The following RNF38 variants were observed in gnomAD, a reference collection of about 807,000 sequenced individuals.
RNF38 encodes ring finger protein 38.
In RNF38, 15 loss-of-function variants were observed where a neutral mutation model predicts 67.2. The observed-to-expected ratio is 0.22, with a 90% CI of 0.15 to 0.34. The LOEUF (loss-of-function observed/expected upper bound fraction) is 0.34, where lower values mean the gene tolerates loss of function less well. Ranked by LOEUF, RNF38 falls within the 10% of genes least tolerant of loss-of-function variation. The pLI, the probability that RNF38 is intolerant of heterozygous loss-of-function variation, is 1.00. For synonymous variants in RNF38, 220 were observed against 218.8 expected (o/e 1.01, Z -0.05); for missense variants, 524 against 639.9 (o/e 0.82, Z 1.95).
At chr9:36,468,281 G>C in intron 1 of RNF38, among the ~76,000 whole-genome samples, 1 of 149,546 alleles carries the variant, frequency 6.7e-6, no homozygotes, top group African/African-American at 2.5e-5. Context: ...ATTGCTTCTA[G>C]AAGTGCCAAA....
At chr9:36,349,369 C>T (rs1312208610) in intron 9 of RNF38, among the ~76,000 whole-genome samples, 2 of 152,170 alleles carry the variant, frequency 1.3e-5, no homozygotes, top group Non-Finnish European at 2.9e-5. Context: ...TTTACATTTC[C>T]CTGATTGCAA....
At chr9:36,443,110 C>T (rs1169801915) in intron 1 of RNF38, among the ~76,000 whole-genome samples, 8 of 152,174 alleles carry the variant, frequency 5.3e-5, no homozygotes, top group Non-Finnish European at 1.2e-4. Flanking sequence ...TCTATGGATG[C>T]CTTAAAACGT....
rs185877523 is a variant in RNF38, at chr9:36,457,092, T to G, written n.241+30216A>C. Among the ~76,000 whole-genome samples the G allele has an allele frequency of 6.7e-4, 101 of 151,192 alleles. 1 individual carries two copies. The highest frequency in any genetic ancestry group is 6.9e-3 in the Middle Eastern group (2 of 288). On this transcript the variant is annotated intron_variant and non_coding_transcript_variant, in intron 1 of 3. Transcript: ENST00000488058. ...TTAAGGAGCTAAATTTTGCCCTAAT[T>G]CTTTAAATTCATGGATGCTGGTCCT... is the stretch of plus-strand genomic sequence containing the variant.
Position 36,400,125 on chromosome 9 carries a change from A to G in RNF38, c.-17T>C. 1 of 1,612,310 alleles carries G rather than the reference A, an allele frequency of 6.2e-7. No individual in the cohort carries two copies. Among genetic ancestry groups the G allele is most frequent in the Non-Finnish European group, 8.5e-7 (1 of 1,179,146 alleles). Reference sequence around the variant, plus strand: ...ACAAGCCATACAGACGTAAACAAAAACTTTATTTCTTTTTGGACCTCAATA... The same window carrying G: ...ACAAGCCATACAGACGTAAACAAAAGCTTTATTTCTTTTTGGACCTCAATA... On this transcript the variant is annotated 5_prime_UTR_variant, in exon 1 of 12. Coordinates refer to ENST00000259605, the MANE Select transcript of RNF38 (RefSeq NM_022781.5).
intron 5 of RNF38, among the ~76,000 whole-genome samples, chr9:36,357,063 T>C (rs1834179980): frequency 6.6e-6 from 1 of 152,194 alleles, no homozygotes; most frequent in African/African-American, 2.4e-5. Context: ...AAGAGTTACA[T>C]TTAAATTTTG....
chr9:36,425,121 A>G (rs1240113898), intron 1 of RNF38, among the ~76,000 whole-genome samples: 2 of 152,220 alleles, frequency 1.3e-5, no homozygotes, highest in Non-Finnish European at 2.9e-5. Flanking sequence ...CTACAATCAC[A>G]TAACACTTTA....
Position 36,396,722 on chromosome 9 carries a change from A to C in RNF38, c.12+3375T>G, listed in dbSNP as rs906543552. 1.2e-4 allele frequency among the ~76,000 whole-genome samples: 19 copies of C among 152,202 alleles called. 1 individual carries two copies. The highest frequency in any genetic ancestry group is 2.2e-4 in the Non-Finnish European group (15 of 68,006). On this transcript the variant is annotated intron_variant, in intron 1 of 11. Transcript: ENST00000259605. The stretch of plus-strand genomic sequence containing the variant: ...TGACAGAAATGTTCAAAATGTAACC[A>C]AAAAAATCTAATTGAATGGAGTGAA...
chr9:36,455,297 A>AGTGATCCACCTGCCTCGGCCTCCC (rs1332358944), intron 1 of RNF38, among the ~76,000 whole-genome samples: 11 of 151,880 alleles, frequency 7.2e-5, no homozygotes, highest in African/African-American at 2.4e-4. Context: ...CCAGGCCTCC[A>AGTGATCCACCTGCCTCGGCCTCCC]GTGATCCACC....
Position 36,448,139 on chromosome 9 carries a change from G to A in RNF38, n.242-23456C>T, listed in dbSNP as rs114946993. On this transcript the variant is annotated intron_variant and non_coding_transcript_variant, in intron 1 of 3. Coordinates refer to the RNF38 transcript ENST00000488058. Reference sequence around the variant, plus strand: ...TAATGACAGGGTGAGGGCAGAGTGAGGACAGAACTGGTCTTCTTAAGGCCT... The same window carrying A: ...TAATGACAGGGTGAGGGCAGAGTGAAGACAGAACTGGTCTTCTTAAGGCCT... 5.6e-3 allele frequency among the ~76,000 whole-genome samples: 850 copies of A among 152,282 alleles called. 11 individuals are homozygous for A. The highest frequency in any genetic ancestry group is 0.019 in the African/African-American group (806 of 41,548).
intron 2 of RNF38, among the ~76,000 whole-genome samples, chr9:36,411,937 T>C (rs1158657552): frequency 6.6e-6 from 1 of 152,122 alleles, no homozygotes; most frequent in Non-Finnish European, 1.5e-5. Flanking sequence ...TGGATAAACC[T>C]TGAGGACCTG....
At chr9:36,475,162 AAAT>A (rs1399855417) in intron 1 of RNF38, among the ~76,000 whole-genome samples, 15 of 150,124 alleles carry the variant, frequency 1.0e-4, no homozygotes, top group African/African-American at 2.2e-4. Context: ...AAAAAAAAAA[AAAT>A]CTTATTACTA....
intron 1 of RNF38, among the ~76,000 whole-genome samples, chr9:36,443,591 A>C (rs1358972262): frequency 2.0e-5 from 3 of 152,266 alleles, no homozygotes; most frequent in Admixed American, 2.0e-4. Context: ...ATAAAGACTT[A>C]ACTAACATTC....
chr9:36,352,298 C>G (rs1444677791), intron 8 of RNF38, among the ~76,000 whole-genome samples: 1 of 151,526 alleles, frequency 6.6e-6, no homozygotes, highest in Admixed American at 6.6e-5. Context: ...GAGCGAGACT[C>G]CATCTCAAAT....
chr9:36,341,814 ATATATATATATATATAT>A (rs1832860925), intron 11 of RNF38, among the ~76,000 whole-genome samples: 1 of 1,534 alleles, frequency 6.5e-4, no homozygotes, highest in African/African-American at 2.8e-3. Context: ...ATATATATAT[ATATATATATATATATAT>A]ATATATATAT....
intron 10 of RNF38, among the ~76,000 whole-genome samples, chr9:36,344,520 C>T (rs1365167900): frequency 6.6e-6 from 1 of 152,132 alleles, no homozygotes; most frequent in Admixed American, 6.5e-5. Context: ...AAATCCAGAA[C>T]AGCCCTAACA....
chr9:36,384,217 A>G (rs1319770752), intron 2 of RNF38, among the ~76,000 whole-genome samples: 2 of 152,228 alleles, frequency 1.3e-5, no homozygotes, highest in Non-Finnish European at 2.9e-5. Context: ...TATAGATAAG[A>G]GACTAAAACA....
At chr9:36,463,691 CAAGT>C (rs1839791172) in intron 1 of RNF38, among the ~76,000 whole-genome samples, 2 of 152,212 alleles carry the variant, frequency 1.3e-5, no homozygotes, top group South Asian at 4.1e-4. Context: ...TGAACAAAGG[CAAGT>C]ATGTATGGTG....
Position 36,428,232 on chromosome 9 carries a change from C to A in RNF38, n.242-3549G>T, listed in dbSNP as rs552582713. On this transcript the variant is annotated intron_variant and non_coding_transcript_variant, in intron 1 of 3. Transcript: ENST00000488058. ...GAGATGGAGACCATCCTGGCTAACA[C>A]GGTGAAAGCCTGTCTCTACTAAAAA... Among the ~76,000 whole-genome samples, 29 of 151,728 alleles carry A rather than the reference C, an allele frequency of 1.9e-4. No individual in the cohort carries two copies. In the East Asian group the frequency reaches 5.5e-3, roughly 29 times the overall value.
intron 1 of RNF38, among the ~76,000 whole-genome samples, chr9:36,455,496 C>A (rs1839566067): frequency 6.6e-6 from 1 of 151,920 alleles, no homozygotes; most frequent in Admixed American, 6.6e-5. Flanking sequence ...AAAGTGCACT[C>A]ATTTAGCTGG....
Sources: gnomAD v4.1 joint callset for allele counts (sites outside exome capture counted in the v4.1 genomes callset) on GRCh38, gnomAD v4.1.1 for gene constraint, MANE v1.5 for transcripts, NCBI Gene and HGNC (gene_info 2026-07-23, HGNC 2026-07-21) for gene names.